The following NTNG1 variants were observed in gnomAD, a reference collection of about 807,000 sequenced individuals.
NTNG1 encodes netrin G1, also known as netrin-G1.
Under a neutral mutation model 54.0 loss-of-function variants are expected in NTNG1, and 16 were observed. The observed-to-expected ratio is 0.30, with a 90% confidence interval of 0.20 to 0.45. The LOEUF is 0.45. NTNG1 is among the 20% of genes least tolerant of loss of function. The pLI is 1.00. For synonymous variants in NTNG1, 255 were observed against 263.1 expected (o/e 0.97, Z 0.30); for missense variants, 530 against 678.7 (o/e 0.78, Z 2.43).
At chr1:107,291,374 C>A (rs2493990) in intron 2 of NTNG1, among the ~76,000 whole-genome samples, 151,832 of 152,282 alleles carry the variant, frequency 1, 75,693 homozygotes, top group Middle Eastern at 1. Flanking sequence ...TAGGCTATTA[C>A]TAGTTTAGTT....
chr1:107,260,631 T>G (rs1349088070), intron 2 of NTNG1, among the ~76,000 whole-genome samples: 1 of 152,202 alleles, frequency 6.6e-6, no homozygotes, highest in Non-Finnish European at 1.5e-5. Context: ...AAGAACACAT[T>G]ACTTTTGAGA....
chr1:107,242,865 T>G (rs1030908848), intron 2 of NTNG1, among the ~76,000 whole-genome samples: 6 of 152,182 alleles, frequency 3.9e-5, no homozygotes. Flanking sequence ...ATTTTTATAC[T>G]GAAGAGTTGA....
chr1:107,441,026 A>T (rs895625617), intron 7 of NTNG1, among the ~76,000 whole-genome samples: 1 of 144,352 alleles, frequency 6.9e-6, no homozygotes, highest in East Asian at 2.0e-4. Flanking sequence ...AAAATGAGAC[A>T]TTGGAAAGAA....
intron 2 of NTNG1, among the ~76,000 whole-genome samples, chr1:107,310,744 GAGGGA>G: frequency 6.6e-6 from 1 of 152,094 alleles, no homozygotes. Flanking sequence ...TAATTGAAAA[GAGGGA>G]ATAAGAAGAT....
chr1:107,406,276 G>C (rs1037714568), intron 4 of NTNG1, among the ~76,000 whole-genome samples: 3 of 151,956 alleles, frequency 2.0e-5, no homozygotes. Flanking sequence ...ATAAAACAAG[G>C]GCTGTTGTTC....
At chr1:107,262,015 A>G (rs1264903843) in intron 2 of NTNG1, among the ~76,000 whole-genome samples, 1 of 152,250 alleles carries the variant, frequency 6.6e-6, no homozygotes, top group African/African-American at 2.4e-5. Context: ...TGAGGAAAAT[A>G]AGATACACCT....
intron 3 of NTNG1, among the ~76,000 whole-genome samples, chr1:107,358,602 G>A (rs996383927): frequency 2.6e-5 from 4 of 151,608 alleles, no homozygotes; most frequent in African/African-American, 7.3e-5. Flanking sequence ...AAATTTTAGT[G>A]TATCTGTTTT....
chr1:107,381,737 A>G (rs1454544224), intron 3 of NTNG1, among the ~76,000 whole-genome samples: 7 of 152,252 alleles, frequency 4.6e-5, no homozygotes, highest in Non-Finnish European at 1.0e-4. Flanking sequence ...TTTGGCTTAC[A>G]TAACTAGGAA....
chr1:107,336,225 A>T (rs1225636325), intron 3 of NTNG1, among the ~76,000 whole-genome samples: 5 of 151,546 alleles, frequency 3.3e-5, no homozygotes, highest in Non-Finnish European at 7.4e-5. Context: ...ACAAAGTCAC[A>T]GTAGTCAAAA....
At chr1:107,269,025 A>AT (rs997198056) in intron 2 of NTNG1, among the ~76,000 whole-genome samples, 4 of 152,086 alleles carry the variant, frequency 2.6e-5, no homozygotes, top group Admixed American at 6.6e-5. Context: ...TTCAGTACAA[A>AT]TTTTTTTTAA....
chr1:107,195,262 T>C (rs1247435096), intron 2 of NTNG1, among the ~76,000 whole-genome samples: 2 of 151,956 alleles, frequency 1.3e-5, no homozygotes, highest in Admixed American at 6.6e-5. Flanking sequence ...CATTAATAAA[T>C]CATGTCCACT....
At chr1:107,306,244 ATAT>A (rs536822655) in intron 2 of NTNG1, among the ~76,000 whole-genome samples, 148 of 152,348 alleles carry the variant, frequency 9.7e-4, no homozygotes, top group African/African-American at 3.5e-3. Flanking sequence ...TATATTTAAA[ATAT>A]TATCATTTCA....
chr1:107,170,387 A>G (rs986972233), intron 2 of NTNG1, among the ~76,000 whole-genome samples: 1 of 152,104 alleles, frequency 6.6e-6, no homozygotes, highest in African/African-American at 2.4e-5. Flanking sequence ...GTACCCATCT[A>G]TTATTTTATT....
chr1:107,168,387 A>AT (rs1655972450), intron 2 of NTNG1, among the ~76,000 whole-genome samples: 1 of 151,992 alleles, frequency 6.6e-6, no homozygotes, highest in African/African-American at 2.4e-5. Context: ...CTAGAAGAGT[A>AT]TTTTTCTGAT....
intron 2 of NTNG1, among the ~76,000 whole-genome samples, chr1:107,243,786 T>A (rs911568715): frequency 6.6e-6 from 1 of 152,154 alleles, no homozygotes. Flanking sequence ...GTTTTTTTTT[T>A]CAATATATGA....
intron 5 of NTNG1, among the ~76,000 whole-genome samples, chr1:107,429,531 TGAATGAATGAATGAAA>T (rs1432041015): frequency 1.3e-5 from 2 of 152,110 alleles, no homozygotes. Context: ...AAATATTTAT[TGAATGAATGAATGAAA>T]GAATGAATGA....
At chr1:107,156,331 A>G (rs1271142082) in intron 2 of NTNG1, among the ~76,000 whole-genome samples, 1 of 152,176 alleles carries the variant, frequency 6.6e-6, no homozygotes, top group African/African-American at 2.4e-5. Context: ...TGTAGACTAT[A>G]TATGAGAATT....
chr1:107,375,044 G>A (rs1308832730), intron 3 of NTNG1, among the ~76,000 whole-genome samples: 1 of 152,110 alleles, frequency 6.6e-6, no homozygotes, highest in African/African-American at 2.4e-5. Context: ...TGTGAATACT[G>A]GGTGCTTTTC....
chr1:107,173,564 C>A (rs1222742994), intron 2 of NTNG1, among the ~76,000 whole-genome samples: 6 of 152,024 alleles, frequency 3.9e-5, no homozygotes, highest in Admixed American at 2.6e-4. Flanking sequence ...ACACTCAATG[C>A]CTTAGAAGTG....
Sources: allele counts gnomAD v4.1 joint callset (sites outside exome capture counted in the v4.1 genomes callset), GRCh38; gene constraint gnomAD v4.1.1; transcripts MANE v1.5; gene names NCBI Gene and HGNC (gene_info 2026-07-23, HGNC 2026-07-21).